ERFE: variants seen among roughly 807,000 people sequenced by gnomAD.
ERFE encodes the protein erythroferrone.
A neutral mutation model predicts 26.6 loss-of-function variants in ERFE; 25 were observed. The observed-to-expected ratio is 0.94, with a 90% CI of 0.69 to 1.31. The LOEUF is 1.31. Among genes scored for constraint, ERFE ranks in the 40% most tolerant of loss-of-function variants. ERFE has a pLI of 0.00. For synonymous variants in ERFE, 206 were observed against 204.5 expected (o/e 1.01, Z -0.06); for missense variants, 447 against 440.2 (o/e 1.02, Z -0.14).
intron 3 of ERFE, among the ~76,000 whole-genome samples, chr2:238,163,393 C>A (rs986492275): frequency 1.5e-4 from 23 of 152,244 alleles, no homozygotes; most frequent in Non-Finnish European, 2.9e-4. Context: ...TTAAATATAG[C>A]ACCTTCTGCG....
chr2:238,167,617 C>G lies in ERFE; in HGVS notation c.*563C>G. 1 of 365,174 alleles carries G rather than the reference C, an allele frequency of 2.7e-6. No individual in the cohort carries two copies. The highest frequency in any genetic ancestry group is 5.5e-6 in the Non-Finnish European group (1 of 183,208). 22.6% of individuals were successfully genotyped at this position (365,174 alleles called of 1,614,324 possible). A position where few individuals can be genotyped will look rare whatever the true frequency, so the allele number is the denominator to read the frequency against. The stretch of plus-strand genomic sequence containing the variant: ...TTGGTCTTCCCTGCCCCTCCCCTAA[C>G]CGTGTTCTACCTGCCAGTGGAGCTG... On this transcript the variant is annotated 3_prime_UTR_variant, in exon 8 of 8. Transcript: ENST00000546354.
At chr2:238,165,578 G>A (rs776362708) in intron 6 of ERFE, 28 bp from the exon 7 acceptor site, 175 of 1,534,174 alleles carry the variant, frequency 1.1e-4, no homozygotes, top group Non-Finnish European at 1.5e-4. Context: ...CATGGGGCAG[G>A]CTGACCCTCC....
At chr2:238,161,236 G>A (rs565119271) in intron 1 of ERFE, among the ~76,000 whole-genome samples, 58 of 152,334 alleles carry the variant, frequency 3.8e-4, no homozygotes, top group Non-Finnish European at 5.9e-4. Flanking sequence ...GGTGACTGGA[G>A]GACGGTGTGA....
intron 1 of ERFE, among the ~76,000 whole-genome samples, chr2:238,159,459 T>G (rs1692906758): frequency 6.6e-6 from 1 of 152,150 alleles, no homozygotes; most frequent in Non-Finnish European, 1.5e-5. Flanking sequence ...GAAACCCCCC[T>G]TTTCTTTTGG....
At position 238,164,354 on chromosome 2, in the gene ERFE, G is replaced by T; in HGVS notation, c.881G>T (p.Arg294Leu). ...LLICIQSRCQ[R>L]NASLEAIMGL... ...ATCTGCATCCAGTCCCGGTGCCAGC[G>T]CAACGCGTGAGTGTACCCCGGCCCG... Residue 294 changes from arginine (R) to leucine (L), a missense_variant, in exon 6 of 8, where the codon CGC (arginine) becomes CTC (leucine). Physicochemically the swap from Arg to Leu is moderately radical, Grantham distance 102 (BLOSUM62 -2). Coordinates refer to ENST00000546354, the MANE Select transcript of ERFE (RefSeq NM_001291832.2). 2.6e-6 allele frequency: 4 copies of T among 1,542,010 alleles called. No individual in the cohort carries two copies. The highest frequency in any genetic ancestry group is 2.6e-6 in the Non-Finnish European group (3 of 1,145,384).
chr2:238,161,912 C>T (rs1339724208), intron 2 of ERFE, among the ~76,000 whole-genome samples, 196 bp downstream of exon 2: 1 of 152,230 alleles, frequency 6.6e-6, no homozygotes, highest in Non-Finnish European at 1.5e-5. Flanking sequence ...CATTTCCCCA[C>T]ACCCCTAAAA....
In ERFE at chr2:238,167,739, A is replaced by T. The variant is rs1478490355; in HGVS notation, c.*685A>T. 6.9e-6 allele frequency: 2 copies of T among 289,190 alleles called. No individual in the cohort carries two copies. Among genetic ancestry groups the T allele is most frequent in the Non-Finnish European group, 1.4e-5 (2 of 145,780 alleles). 17.9% of individuals were successfully genotyped at this position (289,190 alleles called of 1,614,324 possible). On this transcript the variant is annotated 3_prime_UTR_variant, in exon 8 of 8. Coordinates refer to ENST00000546354, the MANE Select transcript of ERFE (RefSeq NM_001291832.2). ...TCTAGTTCTAATGTGTGCAAGATTA[A>T]CTCACAAATTCACCTCAGAAGGCCT...
In ERFE at chr2:238,164,251, G is replaced by A; in HGVS notation, c.797-19G>A. The stretch of plus-strand genomic sequence containing the variant: ...CCCCGCCGCCCGCCCGCTTGACCAC[G>A]TCCCACCCTCCCCCGCAGCGCTCGG... On this transcript the variant is annotated intron_variant, in intron 5 of 7. Coordinates refer to ENST00000546354, the MANE Select transcript of ERFE (RefSeq NM_001291832.2). The A allele has an allele frequency of 6.8e-7, 1 of 1,463,486 alleles. No homozygotes were observed. Among genetic ancestry groups the A allele is most frequent in the Non-Finnish European group, 9.0e-7 (1 of 1,112,072 alleles). 90.7% of individuals were successfully genotyped at this position (1,463,486 alleles called of 1,614,324 possible).
Position 238,167,160 on chromosome 2 carries a change from CG to C in ERFE, c.*108del, listed in dbSNP as rs1693052447. The C allele has an allele frequency of 8.3e-7, 1 of 1,205,210 alleles. No individual in the cohort carries two copies. The highest frequency in any genetic ancestry group is 1.3e-5 in the South Asian group (1 of 77,378). The allele number at this position is 1,205,210 out of a possible 1,614,324, so 74.7% of individuals were successfully genotyped here. ...GGCCACATGGAGGAGGAGGCCCACCCGGAACTCTGCCCACACTGGCCACTGC... is the reference window on the plus strand; with the variant it reads ...GGCCACATGGAGGAGGAGGCCCACCCGAACTCTGCCCACACTGGCCACTGC... On this transcript the variant is annotated 3_prime_UTR_variant, in exon 8 of 8. Coordinates refer to ENST00000546354, the MANE Select transcript of ERFE (RefSeq NM_001291832.2).
intron 3 of ERFE, 81 bp from the exon 4 acceptor site, chr2:238,163,656 G>T: frequency 8.1e-7 from 1 of 1,230,608 alleles, no homozygotes; most frequent in Non-Finnish European, 1.0e-6. Context: ...GGTCTCGCTA[G>T]CACCTGTCGT....
intron 6 of ERFE, 122 bp downstream of exon 6, chr2:238,164,482 C>G: frequency 1.1e-6 from 1 of 895,010 alleles, no homozygotes; most frequent in Non-Finnish European, 1.7e-6. Context: ...CCTAGGTGAC[C>G]CCACACCTTC....
Position 238,163,819 on chromosome 2 carries a change from G to C in ERFE, c.507G>C (p.Pro169=). 7.5e-7 allele frequency: 1 copy of C among 1,330,552 alleles called. No homozygotes were observed. The highest frequency in any genetic ancestry group is 9.5e-7 in the Non-Finnish European group (1 of 1,047,136). 82.4% of individuals were successfully genotyped at this position (1,330,552 alleles called of 1,614,324 possible). The change falls in exon 4 of 8, where the codon CCG becomes CCC. Residue 169 remains proline (P), a synonymous_variant. Coordinates refer to ENST00000546354, the MANE Select transcript of ERFE (RefSeq NM_001291832.2). ...PAGPVAASLA[P]VSATAGEDDD... is the part of the protein sequence containing the mutation. Reference sequence around the variant, plus strand: ...GGCCGGTCGCTGCGAGCCTCGCCCCGGTCTCGGCCACCGCCGGGGAGGACG... The same window carrying C: ...GGCCGGTCGCTGCGAGCCTCGCCCCCGTCTCGGCCACCGCCGGGGAGGACG...
In ERFE at chr2:238,164,308, C is replaced by G. The variant is rs1434347249; in HGVS notation, c.835C>G (p.Arg279Gly). ...GCCGAGGAGGGGGCCGCCGCGCCCCCGGGACCACCTGCGCCTGCTCATCTG... is the reference window on the plus strand; with the variant it reads ...GCCGAGGAGGGGGCCGCCGCGCCCCGGGGACCACCTGCGCCTGCTCATCTG... Reference protein sequence around the residue: ...EPPRRGPPRPRDHLRLLICIQ... With the variant: ...EPPRRGPPRPGDHLRLLICIQ... Residue 279 changes from arginine (R) to glycine (G), a missense_variant, in exon 6 of 8, where the codon CGG becomes GGG. Physicochemically the swap from Arg to Gly is moderately radical, Grantham distance 125. Coordinates refer to ENST00000546354, the MANE Select transcript of ERFE (RefSeq NM_001291832.2). The G allele has an allele frequency of 6.6e-7, 1 of 1,524,068 alleles. No homozygotes were observed. The highest frequency in any genetic ancestry group is 2.0e-5 in the Admixed American group (1 of 49,738). The allele number at this position is 1,524,068 out of a possible 1,614,324, so 94.4% of individuals were successfully genotyped here.
At chr2:238,160,027 C>T (rs1041893021) in intron 1 of ERFE, among the ~76,000 whole-genome samples, 1 of 152,214 alleles carries the variant, frequency 6.6e-6, no homozygotes, top group Non-Finnish European at 1.5e-5. Context: ...CACACCCAGC[C>T]ACTTCCCAGG....
Position 238,160,410 on chromosome 2 carries a change from G to GGT in ERFE, c.199-1180_199-1179dup, listed in dbSNP as rs1692920369. Among the ~76,000 whole-genome samples the GGT allele has an allele frequency of 2.0e-5, 3 of 152,310 alleles. No individual in the cohort carries two copies. In the South Asian group the frequency reaches 6.2e-4, roughly 32 times the overall value. On this transcript the variant is annotated intron_variant, in intron 1 of 7. Coordinates refer to ENST00000546354, the MANE Select transcript of ERFE (RefSeq NM_001291832.2). ...TCAGCTGGGCACACCCCTCCTGGCCGGTGTGCGGCATCCTCGCCCCATGTT... is the reference window on the plus strand; with the variant it reads ...TCAGCTGGGCACACCCCTCCTGGCCGGTGTGTGCGGCATCCTCGCCCCATGTT...
At chr2:238,164,023 CG>C (rs1692986277) in intron 4 of ERFE, 24 bp downstream of exon 4, 1 of 1,373,456 alleles carries the variant, frequency 7.3e-7, no homozygotes, top group Admixed American at 3.7e-5. Flanking sequence ...CGCGGGAGGG[CG>C]GGTGAGTCCG....
chr2:238,164,570 T>C (rs1693001563), intron 6 of ERFE: 2 of 568,292 alleles, frequency 3.5e-6, no homozygotes, highest in South Asian at 2.1e-5. Context: ...AAATGACCTT[T>C]CCAGCTGGGC....
chr2:238,167,465 C>G lies in ERFE; in HGVS notation c.*411C>G, dbSNP rs1043026819. On this transcript the variant is annotated 3_prime_UTR_variant, in exon 8 of 8. Transcript: ENST00000546354. Reference sequence around the variant, plus strand: ...GGAGTGCAAAGTGCACCAGCCAGGGCCCCTACCTGGGAGAGGGTCAGCTGA... The same window carrying G: ...GGAGTGCAAAGTGCACCAGCCAGGGGCCCTACCTGGGAGAGGGTCAGCTGA... 6.3e-6 allele frequency: 3 copies of G among 474,742 alleles called. No homozygotes were observed. In the Admixed American group the frequency reaches 7.0e-5, roughly 11 times the overall value. The allele number at this position is 474,742 out of a possible 1,614,324, so 29.4% of individuals were successfully genotyped here.
At chr2:238,164,850 C>CA (rs1167301153) in intron 6 of ERFE, 18 of 157,628 alleles carry the variant, frequency 1.1e-4, no homozygotes, top group East Asian at 1.9e-4. Flanking sequence ...GACTCCGTCT[C>CA]AAAAAAACAA....
Sources: allele counts gnomAD v4.1 joint callset (sites outside exome capture counted in the v4.1 genomes callset), GRCh38; gene constraint gnomAD v4.1.1; transcripts MANE v1.5; gene names NCBI Gene and HGNC (gene_info 2026-07-23, HGNC 2026-07-21).